The following FLCN variants were observed in gnomAD, a reference collection of about 807,000 sequenced individuals.
FLCN encodes BHD skin lesion fibrofolliculoma protein.
A neutral mutation model predicts 62.5 loss-of-function variants in FLCN; 22 were observed. That is an observed-to-expected ratio of 0.35 (90% CI 0.25 to 0.50). The LOEUF is 0.50. Ranked by LOEUF, FLCN falls within the 20% of genes least tolerant of loss-of-function variation. The probability of loss-of-function intolerance (pLI) is 0.97; values close to 1 mark genes in which losing one functional copy is unlikely to be tolerated. For synonymous variants in FLCN, 319 were observed against 310.0 expected (o/e 1.03, Z -0.30); for missense variants, 657 against 778.0 (o/e 0.84, Z 1.85).
chr17:17,233,123 T>C (rs1346781431), intron 1 of FLCN, among the ~76,000 whole-genome samples: 1 of 152,112 alleles, frequency 6.6e-6, no homozygotes, highest in African/African-American at 2.4e-5. Flanking sequence ...TCTAAACCAG[T>C]ATTTGATCAA....
rs527951135 is a variant in FLCN, at chr17:17,216,142, G to A, written c.1300+238C>T. Reference sequence around the variant, plus strand: ...CCAGGGACACATCCTCCCACCCCACGATGGTGACCTGCAGCCCACTGACGA... The same window carrying A: ...CCAGGGACACATCCTCCCACCCCACAATGGTGACCTGCAGCCCACTGACGA... On this transcript the variant is annotated intron_variant, in intron 11 of 13. Coordinates refer to ENST00000285071, the MANE Select transcript of FLCN (RefSeq NM_144997.7). This position sits in a 1 kb window ranked among gnomAD's most constrained non-coding sequence, Gnocchi z 4.0. Among the ~76,000 whole-genome samples, 13 of 152,238 alleles carry A rather than the reference G, an allele frequency of 8.5e-5. No homozygotes were observed. Among genetic ancestry groups the A allele is most frequent in the Middle Eastern group, 3.4e-3 (1 of 294 alleles).
chr17:17,233,943 G>A (rs1393484430), intron 1 of FLCN, among the ~76,000 whole-genome samples: 2 of 151,420 alleles, frequency 1.3e-5, no homozygotes, highest in African/African-American at 2.4e-5. Context: ...GGCTGGTCTC[G>A]AACTCCCGAC....
rs1259213193 is a variant in FLCN, at chr17:17,236,950, G to T, written c.-266C>A. On this transcript the variant is annotated 5_prime_UTR_variant, in exon 1 of 14. Coordinates refer to ENST00000285071, the MANE Select transcript of FLCN (RefSeq NM_144997.7). ...CGAGGCCCGCGGGACACCTGGACTC[G>T]GCAGCCGGGGTCCCGCTCTGGGTCC... The T allele has an allele frequency of 4.6e-5, 7 of 151,088 alleles. No individual in the cohort carries two copies. The highest frequency in any genetic ancestry group is 1.7e-4 in the African/African-American group (7 of 40,422). 9.4% of individuals were successfully genotyped at this position (151,088 alleles called of 1,614,324 possible).
At position 17,213,632 on chromosome 17, in the gene FLCN, T is replaced by C; in HGVS notation, c.*23A>G. ...GATCCTGTGGACAGCCATCCCTGTCTTTAGGCAGGTGTGTGTGACGGGTCA... is the reference window on the plus strand; with the variant it reads ...GATCCTGTGGACAGCCATCCCTGTCCTTAGGCAGGTGTGTGTGACGGGTCA... On this transcript the variant is annotated 3_prime_UTR_variant, in exon 14 of 14. Transcript: ENST00000285071. The C allele has an allele frequency of 6.2e-7, 1 of 1,614,082 alleles. No individual in the cohort carries two copies. The highest frequency in any genetic ancestry group is 2.2e-5 in the East Asian group (1 of 44,870).
intron 6 of FLCN, 136 bp downstream of exon 6, chr17:17,223,786 G>T: frequency 2.2e-6 from 2 of 890,484 alleles, no homozygotes; most frequent in Non-Finnish European, 3.6e-6. Context: ...GAAGCCAAGA[G>T]ACTACAATTC....
chr17:17,222,324 C>A (rs897122747), intron 7 of FLCN, among the ~76,000 whole-genome samples, 177 bp downstream of exon 7: 8 of 152,176 alleles, frequency 5.3e-5, no homozygotes, highest in Non-Finnish European at 1.0e-4. Context: ...GCCTACAGAA[C>A]AAGGACTCCC....
chr17:17,230,594 C>T (rs1426680808), intron 3 of FLCN, among the ~76,000 whole-genome samples: 1 of 151,664 alleles, frequency 6.6e-6, no homozygotes, highest in Non-Finnish European at 1.5e-5. Flanking sequence ...GGCGTGTTGG[C>T]GGTCACCTAT....
At chr17:17,225,767 G>A (rs1269213986) in intron 5 of FLCN, 2 of 321,714 alleles carry the variant, frequency 6.2e-6, no homozygotes, top group Non-Finnish European at 1.2e-5. Context: ...AGTGGTCCCA[G>A]CCACCTGGGA....
chr17:17,222,139 A>C (rs1326788311), intron 7 of FLCN, among the ~76,000 whole-genome samples: 3 of 151,958 alleles, frequency 2.0e-5, no homozygotes, highest in Non-Finnish European at 4.4e-5. Flanking sequence ...GAGTTTGAGA[A>C]CAGCCTGGCC....
At chr17:17,227,715 A>AAAAACAAAAC (rs930172027) in intron 4 of FLCN, among the ~76,000 whole-genome samples, 174 bp downstream of exon 4, 1 of 152,166 alleles carries the variant, frequency 6.6e-6, no homozygotes, top group Non-Finnish European at 1.5e-5. Flanking sequence ...CTGTCTCAAA[A>AAAAACAAAAC]AAAACAAAAC....
intron 1 of FLCN, among the ~76,000 whole-genome samples, chr17:17,235,272 C>T (rs1003943316): frequency 4.0e-5 from 6 of 151,778 alleles, no homozygotes; most frequent in Non-Finnish European, 8.8e-5. Context: ...AAGAGTAAAA[C>T]TCCATTTCAA....
At chr17:17,214,798 C>T (rs975634837) in intron 13 of FLCN, among the ~76,000 whole-genome samples, 187 bp downstream of exon 13, 1 of 152,098 alleles carries the variant, frequency 6.6e-6, no homozygotes, top group African/African-American at 2.4e-5. Flanking sequence ...GAGCCGGAGG[C>T]AGACATGATG....
In FLCN at chr17:17,213,502, C is replaced by G. The variant is rs2046810576; in HGVS notation, c.*153G>C. The G allele has an allele frequency of 9.7e-7, 1 of 1,033,926 alleles. No individual in the cohort carries two copies. The highest frequency in any genetic ancestry group is 1.5e-6 in the Non-Finnish European group (1 of 686,490). 64.0% of individuals were successfully genotyped at this position (1,033,926 alleles called of 1,614,324 possible). ...TCTGGGAAGCACACAGGCCCCAAAC[C>G]TGACAGGGCCGAGCCCAGCCCTGAT... On this transcript the variant is annotated 3_prime_UTR_variant, in exon 14 of 14. Transcript: ENST00000285071.
rs2144975753 is a variant in FLCN at position 17,224,008 on chromosome 17, C to A, written c.532G>T (p.Asp178Tyr). Residue 178 changes from aspartate (D) to tyrosine (Y), a missense_variant, in exon 6 of 14, where the codon GAC becomes TAC. Transcript: ENST00000285071. The part of the protein sequence containing the change: ...RWYSIITIMM[D>Y]RIYLINSWPF... ...CAGGAGTTGATGAGGTAGATCCGGTCCATCATGATGGTGATGATGCTGTAC... is the reference window on the plus strand; with the variant it reads ...CAGGAGTTGATGAGGTAGATCCGGTACATCATGATGGTGATGATGCTGTAC... 1 of 1,613,742 alleles carries A rather than the reference C, an allele frequency of 6.2e-7. No individual in the cohort carries two copies. The highest frequency in any genetic ancestry group is 8.5e-7 in the Non-Finnish European group (1 of 1,180,040).
chr17:17,220,969 C>A (rs2047067287), intron 8 of FLCN: 2 of 391,250 alleles, frequency 5.1e-6, no homozygotes, highest in African/African-American at 2.0e-5. Flanking sequence ...GAACAATGGT[C>A]GTACCACAGA....
At chr17:17,233,714 T>TC (rs2047492483) in intron 1 of FLCN, among the ~76,000 whole-genome samples, 1 of 138,184 alleles carries the variant, frequency 7.2e-6, no homozygotes, top group African/African-American at 2.7e-5. Context: ...TTCCCATCTT[T>TC]CCTTTTTTTT....
Position 17,217,294 on chromosome 17 carries a change from C to T in FLCN, c.1063-112G>A, listed in dbSNP as rs2046955933. The T allele has an allele frequency of 5.1e-6, 4 of 788,146 alleles. No homozygotes were observed. In the South Asian group the frequency reaches 5.8e-5, roughly 11 times the overall value. 48.8% of individuals were successfully genotyped at this position (788,146 alleles called of 1,614,324 possible). ...AACTTTGTAGAGCAAAGACAGGGCT[C>T]AGGAGAAAGACACTTATCTTCTCAG... On this transcript the variant is annotated intron_variant, in intron 9 of 13. Coordinates refer to ENST00000285071, the MANE Select transcript of FLCN (RefSeq NM_144997.7).
In FLCN at chr17:17,216,238, A is replaced by C; in HGVS notation, c.1300+142T>G. 1 of 1,245,944 alleles carries C rather than the reference A, an allele frequency of 8.0e-7. No homozygotes were observed. Among genetic ancestry groups the C allele is most frequent in the Non-Finnish European group, 1.1e-6 (1 of 905,098 alleles). The allele number at this position is 1,245,944 out of a possible 1,614,324, so 77.2% of individuals were successfully genotyped here. On this transcript the variant is annotated intron_variant, in intron 11 of 13. Coordinates refer to ENST00000285071, the MANE Select transcript of FLCN (RefSeq NM_144997.7). The surrounding 1 kb of genome is among the most constrained non-coding windows in gnomAD (Gnocchi z 4.0). ...CTACCTGTGTGAAGATAGAACACGG[A>C]GGCCCAGAGCCATGGGGGAAGCTGG...
chr17:17,216,939 C>G lies in FLCN; in HGVS notation c.1176+130G>C, dbSNP rs1292845994. The stretch of plus-strand genomic sequence containing the variant: ...CCCGGGTCTCCGTGCCCACTGCGCC[C>G]CCAGTGGAGACCGTGTGGTGCACAG... On this transcript the variant is annotated intron_variant, in intron 10 of 13. Coordinates refer to ENST00000285071, the MANE Select transcript of FLCN (RefSeq NM_144997.7). This position sits in a 1 kb window ranked among gnomAD's most constrained non-coding sequence, Gnocchi z 4.0. 5.3e-6 allele frequency: 4 copies of G among 750,060 alleles called. No homozygotes were observed. Among genetic ancestry groups the G allele is most frequent in the Admixed American group, 2.0e-5 (1 of 50,326 alleles). 46.5% of individuals were successfully genotyped at this position (750,060 alleles called of 1,614,324 possible).
Sources: allele counts gnomAD v4.1 joint callset (sites outside exome capture counted in the v4.1 genomes callset), GRCh38; gene constraint gnomAD v4.1.1; non-coding constraint Gnocchi (gnomAD v3.1); transcripts MANE v1.5; gene names NCBI Gene and HGNC (gene_info 2026-07-23, HGNC 2026-07-21).